KSR1: variants seen among roughly 807,000 people sequenced by gnomAD.
KSR1 encodes the protein kinase suppressor of ras 1.
KSR1 carries 35 observed loss-of-function variants against 92.9 expected under a neutral mutation model. The ratio of observed to expected loss-of-function variants is 0.38; its 90% CI spans 0.29 to 0.50. The LOEUF is 0.50. KSR1 is among the 20% of genes least tolerant of loss of function. The probability of loss-of-function intolerance (pLI) is 0.94; values close to 1 mark genes in which losing one functional copy is unlikely to be tolerated. For synonymous variants in KSR1, 467 were observed against 472.6 expected, an observed-to-expected ratio of 0.99 and a Z score of 0.15; for missense variants, 972 against 1,158.5, an observed-to-expected ratio of 0.84 and a Z score of 2.34.
chr17:27,461,782 G>A (rs191652627), intron 1 of KSR1, among the ~76,000 whole-genome samples: 49 of 148,360 alleles, frequency 3.3e-4, no homozygotes, highest in African/African-American at 1.1e-3. Context: ...CTTCTTCCAC[G>A]TCAGGGTTGT....
rs1555576389 is a variant in KSR1, at chr17:27,526,070, C to CTCTTTCTTTCTTTCTTTCTT, written c.232-24490_232-24471dup. Among the ~76,000 whole-genome samples, 252 of 81,378 alleles carry CTCTTTCTTTCTTTCTTTCTT rather than the reference C, an allele frequency of 3.1e-3. 6 individuals carry two copies. The highest frequency in any genetic ancestry group is 8.5e-3 in the African/African-American group (158 of 18,544). The allele number at this position is 81,378 out of a possible 152,430, so 53.4% of individuals were successfully genotyped here. ...TCTCTCTCTCTCTCTCTCTTTCTTTCTCTTTCTTTCTTTCTTTCTTTCTTT... is the reference window on the plus strand; with the variant it reads ...TCTCTCTCTCTCTCTCTCTTTCTTTCTCTTTCTTTCTTTCTTTCTTTCTTTCTTTCTTTCTTTCTTTCTTT... On this transcript the variant is annotated intron_variant, in intron 1 of 20. Coordinates refer to ENST00000644974, the MANE Select transcript of KSR1 (RefSeq NM_001394583.1).
intron 1 of KSR1, among the ~76,000 whole-genome samples, chr17:27,540,719 C>T (rs942937584): frequency 6.6e-6 from 1 of 152,244 alleles, no homozygotes; most frequent in Non-Finnish European, 1.5e-5. Flanking sequence ...ATGTCAGCCC[C>T]CGTGGGCGCC....
intron 18 of KSR1, among the ~76,000 whole-genome samples, chr17:27,615,784 C>A (rs2074038559): frequency 1.3e-5 from 2 of 152,160 alleles, no homozygotes; most frequent in Non-Finnish European, 2.9e-5. Context: ...CGAGTGAAAC[C>A]TGAAAAAACT....
intron 18 of KSR1, 70 bp downstream of exon 18, chr17:27,611,699 T>G (rs2073922493): frequency 6.3e-7 from 1 of 1,582,526 alleles, no homozygotes; most frequent in Non-Finnish European, 8.6e-7. Context: ...ATGGCTGCCC[T>G]TCACTCACCC....
intron 1 of KSR1, among the ~76,000 whole-genome samples, chr17:27,501,292 C>CTTCT (rs2069173500): frequency 2.0e-5 from 1 of 49,704 alleles, no homozygotes; most frequent in Non-Finnish European, 3.3e-5. Flanking sequence ...TTCTTTTCTT[C>CTTCT]TTTTTTTTTT....
intron 14 of KSR1, among the ~76,000 whole-genome samples, chr17:27,606,398 A>G (rs990988794): frequency 6.6e-5 from 10 of 152,268 alleles, no homozygotes; most frequent in African/African-American, 2.4e-4. Flanking sequence ...TCCTTCTGTT[A>G]AAAGGAAGAC....
chr17:27,477,946 C>T (rs558651443), intron 1 of KSR1, among the ~76,000 whole-genome samples: 1 of 152,234 alleles, frequency 6.6e-6, no homozygotes, highest in African/African-American at 2.4e-5. Context: ...CTCCTGGTCT[C>T]AAGTGAGGCC....
intron 1 of KSR1, chr17:27,465,408 C>T (rs1196662786): frequency 6.6e-6 from 1 of 152,146 alleles, no homozygotes; most frequent in Non-Finnish European, 1.5e-5. Flanking sequence ...AGGCCGGGCA[C>T]AGTGTCTTAG....
intron 1 of KSR1, chr17:27,465,577 AAG>A (rs1206790896): frequency 2.0e-5 from 3 of 152,228 alleles, no homozygotes. Context: ...ATTTTTAAAA[AAG>A]GGGGGAAAGT....
chr17:27,595,901 C>A (rs538860162), intron 9 of KSR1, among the ~76,000 whole-genome samples: 12 of 152,114 alleles, frequency 7.9e-5, no homozygotes, highest in African/African-American at 2.9e-4. Flanking sequence ...CTCCCATGAC[C>A]GTGGGCAAAG....
At chr17:27,549,913 T>C (rs535953865) in intron 1 of KSR1, among the ~76,000 whole-genome samples, 1 of 152,326 alleles carries the variant, frequency 6.6e-6, no homozygotes, top group South Asian at 2.1e-4. Flanking sequence ...ACTGAGCCCT[T>C]GGATCCCAAC....
At chr17:27,517,337 A>T (rs906670809) in intron 1 of KSR1, among the ~76,000 whole-genome samples, 12 of 150,692 alleles carry the variant, frequency 8.0e-5, no homozygotes, top group African/African-American at 1.7e-4. Flanking sequence ...TTTTATTTTT[A>T]TTTTTTTTTG....
intron 1 of KSR1, among the ~76,000 whole-genome samples, chr17:27,535,007 G>A (rs2151052064): frequency 1.3e-5 from 2 of 152,304 alleles, no homozygotes; most frequent in Non-Finnish European, 2.9e-5. Context: ...AAAAGCGTGT[G>A]GATGTCCTTG....
At chr17:27,516,239 A>G (rs2069788932) in intron 1 of KSR1, among the ~76,000 whole-genome samples, 1 of 152,232 alleles carries the variant, frequency 6.6e-6, no homozygotes, top group Non-Finnish European at 1.5e-5. Context: ...TGGTCATTGT[A>G]AGAAATGAGG....
At chr17:27,537,864 A>G (rs1330377937) in intron 1 of KSR1, among the ~76,000 whole-genome samples, 1 of 152,230 alleles carries the variant, frequency 6.6e-6, no homozygotes, top group Non-Finnish European at 1.5e-5. Flanking sequence ...CTCAACGTGC[A>G]TCAAAAACCT....
chr17:27,500,053 G>A (rs572548882), intron 1 of KSR1, among the ~76,000 whole-genome samples: 74 of 152,310 alleles, frequency 4.9e-4, no homozygotes, highest in Middle Eastern at 3.4e-3. Flanking sequence ...CACCTTCGGC[G>A]TCTGCCGTTC....
intron 1 of KSR1, among the ~76,000 whole-genome samples, chr17:27,484,234 GTTAT>G (rs1401493981): frequency 5.3e-5 from 8 of 152,140 alleles, no homozygotes. Flanking sequence ...AATAATACTT[GTTAT>G]TTATTTATTT....
At chr17:27,526,148 A>T (rs775325687) in intron 1 of KSR1, among the ~76,000 whole-genome samples, 5 of 144,626 alleles carry the variant, frequency 3.5e-5, no homozygotes, top group Non-Finnish European at 7.5e-5. Context: ...TAATTAAGAG[A>T]CATTACATTC....
intron 1 of KSR1, among the ~76,000 whole-genome samples, chr17:27,474,572 G>A (rs138398508): frequency 4.1e-4 from 63 of 152,282 alleles, no homozygotes; most frequent in African/African-American, 1.5e-3. Context: ...TAATGGGGTC[G>A]TTTTTCATAG....
Sources: gnomAD v4.1 joint callset for allele counts (sites outside exome capture counted in the v4.1 genomes callset) on GRCh38, gnomAD v4.1.1 for gene constraint, MANE v1.5 for transcripts, NCBI Gene and HGNC (gene_info 2026-07-23, HGNC 2026-07-21) for gene names.